The following PLCG2 variants were observed in gnomAD, a reference collection of about 807,000 sequenced individuals.
PLCG2 encodes the protein 1-phosphatidylinositol 4,5-bisphosphate phosphodiesterase gamma-2.
Under a neutral mutation model 175.6 loss-of-function variants are expected in PLCG2, and 69 were observed. That is an observed-to-expected ratio of 0.39 (90% CI 0.32 to 0.48). The LOEUF is 0.48. Among genes scored for constraint, PLCG2 ranks in the 20% least tolerant of loss-of-function variants. The pLI is 0.91. For synonymous variants in PLCG2, 827 were observed against 624.0 expected, an observed-to-expected ratio of 1.33 and a Z score of -4.85; for missense variants, 1,798 against 1,650.9, an observed-to-expected ratio of 1.09 and a Z score of -1.54.
intron 2 of PLCG2, among the ~76,000 whole-genome samples, chr16:81,845,613 A>G (rs12597078): frequency 0.21 from 32,313 of 152,226 alleles, 4,431 homozygotes; most frequent in East Asian, 0.59. Flanking sequence ...CAGCCCCTGC[A>G]CTAGAATCTT....
At chr16:81,836,087 C>A (rs72832057) in intron 2 of PLCG2, among the ~76,000 whole-genome samples, 1 of 152,134 alleles carries the variant, frequency 6.6e-6, no homozygotes. Flanking sequence ...CAACATTACC[C>A]GTTTATACTT....
chr16:81,923,066 T>C (rs1430647970), intron 21 of PLCG2, among the ~76,000 whole-genome samples: 1 of 152,204 alleles, frequency 6.6e-6, no homozygotes, highest in East Asian at 1.9e-4. Flanking sequence ...GGAGGCTTGC[T>C]GAGCACCGGC....
intron 9 of PLCG2, 84 bp from the exon 10 acceptor site, chr16:81,889,088 G>C: frequency 1.3e-6 from 1 of 794,604 alleles, no homozygotes; most frequent in Non-Finnish European, 2.1e-6. Context: ...TTCAGTCTTC[G>C]ATTGCGACTG....
At chr16:81,956,632 G>T in intron 31 of PLCG2, 63 bp from the exon 32 acceptor site, 1 of 1,455,632 alleles carries the variant, frequency 6.9e-7, no homozygotes, top group African/African-American at 1.4e-5. Context: ...GAGATGCCAG[G>T]TTCACATTTT....
chr16:81,923,155 C>T (rs975823850), intron 21 of PLCG2, among the ~76,000 whole-genome samples: 3 of 152,162 alleles, frequency 2.0e-5, no homozygotes, highest in Admixed American at 6.5e-5. Flanking sequence ...TGTGTCACTA[C>T]AATATAGGGT....
chr16:81,783,934 C>CT (rs549232546), intron 1 of PLCG2, among the ~76,000 whole-genome samples: 16 of 152,258 alleles, frequency 1.1e-4, no homozygotes, highest in East Asian at 7.7e-4. Context: ...CAGATGCCTG[C>CT]TTTTTTCCCC....
intron 2 of PLCG2, among the ~76,000 whole-genome samples, chr16:81,819,687 C>T (rs764494218): frequency 5.9e-5 from 9 of 152,182 alleles, no homozygotes; most frequent in Non-Finnish European, 1.0e-4. Flanking sequence ...TGGTTTCAAG[C>T]GAATATCCTG....
At chr16:81,770,540 T>G (rs1910255229) in intron 2 of PLCG2, among the ~76,000 whole-genome samples, 1 of 149,470 alleles carries the variant, frequency 6.7e-6, no homozygotes. Flanking sequence ...CGATGAAACC[T>G]TGTCTCTATA....
intron 2 of PLCG2, among the ~76,000 whole-genome samples, chr16:81,803,511 C>A (rs1436818338): frequency 1.5e-5 from 2 of 135,306 alleles, no homozygotes; most frequent in Non-Finnish European, 3.4e-5. Context: ...TTTTCATTTT[C>A]TTTGTTCTTT....
At chr16:81,779,640 C>G (rs753174279) in intron 1 of PLCG2, among the ~76,000 whole-genome samples, 2 of 152,042 alleles carry the variant, frequency 1.3e-5, no homozygotes, top group Non-Finnish European at 2.9e-5. Context: ...CACTTCCTCA[C>G]CCCGGGCCGG....
At chr16:81,807,720 A>C (rs555651833) in intron 2 of PLCG2, among the ~76,000 whole-genome samples, 15 of 152,318 alleles carry the variant, frequency 9.8e-5, no homozygotes, top group Admixed American at 3.3e-4. Context: ...TGGGTAATAT[A>C]AAAAGGAAAG....
chr16:81,826,704 C>T (rs975492837), intron 2 of PLCG2, among the ~76,000 whole-genome samples: 5 of 152,134 alleles, frequency 3.3e-5, no homozygotes, highest in Non-Finnish European at 7.3e-5. Flanking sequence ...AAAAATCCTC[C>T]TCATGCTTTT....
chr16:81,803,056 C>T (rs1911808116), intron 2 of PLCG2, among the ~76,000 whole-genome samples: 2 of 151,682 alleles, frequency 1.3e-5, no homozygotes, highest in East Asian at 1.9e-4. Context: ...TACTTTTTGC[C>T]TTTACAGAGT....
chr16:81,854,084 A>G (rs534667270), intron 2 of PLCG2, among the ~76,000 whole-genome samples: 18 of 143,138 alleles, frequency 1.3e-4, no homozygotes, highest in Middle Eastern at 3.6e-3. Flanking sequence ...GTGAGCATCA[A>G]TTTGGTCTCT....
intron 7 of PLCG2, among the ~76,000 whole-genome samples, chr16:81,877,250 C>A (rs558127286): frequency 1.3e-5 from 2 of 152,152 alleles, no homozygotes; most frequent in Non-Finnish European, 2.9e-5. Context: ...GTCAGGAGAT[C>A]GAGACCATCC....
chr16:81,741,897 T>G (rs1909602867), intron 1 of PLCG2, among the ~76,000 whole-genome samples: 1 of 152,150 alleles, frequency 6.6e-6, no homozygotes, highest in African/African-American at 2.4e-5. Context: ...ACATTGAAAA[T>G]CTCTTCTAGC....
chr16:81,927,618 C>T (rs182192525), intron 23 of PLCG2, among the ~76,000 whole-genome samples: 5 of 152,242 alleles, frequency 3.3e-5, no homozygotes, highest in South Asian at 2.1e-4. Flanking sequence ...GTTCCCTCGC[C>T]GCCTCTTGTT....
At chr16:81,851,260 G>A (rs1232533964) in intron 2 of PLCG2, among the ~76,000 whole-genome samples, 1 of 152,224 alleles carries the variant, frequency 6.6e-6, no homozygotes, top group Admixed American at 6.5e-5. Context: ...CTGCTCCAGT[G>A]ATAACATCTT....
chr16:81,765,363 G>T (rs1291188804), intron 2 of PLCG2, among the ~76,000 whole-genome samples: 3 of 152,212 alleles, frequency 2.0e-5, no homozygotes, highest in Admixed American at 2.0e-4. Flanking sequence ...AGGTGTGGAG[G>T]CTCATGCCTG....
Sources: allele counts gnomAD v4.1 joint callset (sites outside exome capture counted in the v4.1 genomes callset), GRCh38; gene constraint gnomAD v4.1.1; transcripts MANE v1.5; gene names NCBI Gene and HGNC (gene_info 2026-07-23, HGNC 2026-07-21).